LRP1B: variants seen among roughly 807,000 people sequenced by gnomAD.
The protein encoded by LRP1B is LDL receptor related protein 1B, also known as low-density lipoprotein receptor-related protein 1B.
A neutral mutation model predicts 556.6 loss-of-function variants in LRP1B; 217 were observed. The ratio of observed to expected loss-of-function variants is 0.39; its 90% CI spans 0.35 to 0.44. The LOEUF (loss-of-function observed/expected upper bound fraction) is 0.44. Among genes scored for constraint, LRP1B ranks in the 20% least tolerant of loss-of-function variants. LRP1B has a pLI of 1.00. For synonymous variants in LRP1B, 2,047 were observed against 1,865.8 expected (o/e 1.10, Z -2.50); for missense variants, 5,053 against 5,620.8 (o/e 0.90, Z 3.23).
chr2:140,565,069 A>AT (rs893365904), intron 43 of LRP1B, among the ~76,000 whole-genome samples: 9 of 139,580 alleles, frequency 6.4e-5, no homozygotes, highest in South Asian at 2.4e-4. Flanking sequence ...AGAAAAACAG[A>AT]TTTTTTTTCA....
intron 6 of LRP1B, among the ~76,000 whole-genome samples, chr2:141,200,558 T>C (rs1326194753): frequency 6.6e-6 from 1 of 152,078 alleles, no homozygotes; most frequent in South Asian, 2.1e-4. Flanking sequence ...ATGTCAGTTT[T>C]TCAGAAAGGA....
intron 6 of LRP1B, among the ~76,000 whole-genome samples, chr2:141,224,161 C>CAT (rs1683152194): frequency 7.2e-6 from 1 of 138,848 alleles, no homozygotes; most frequent in African/African-American, 2.5e-5. Flanking sequence ...CACACACACA[C>CAT]ACACAAACAT....
intron 1 of LRP1B, among the ~76,000 whole-genome samples, chr2:142,039,023 A>G (rs1703978110): frequency 6.6e-6 from 1 of 151,462 alleles, no homozygotes; most frequent in African/African-American, 2.4e-5. Flanking sequence ...GTCACAATAC[A>G]CCAAGAGCCC....
intron 22 of LRP1B, 122 bp downstream of exon 22, chr2:140,907,755 G>T: frequency 1.1e-6 from 1 of 875,014 alleles, no homozygotes; most frequent in Non-Finnish European, 1.9e-6. Context: ...AAGGTTCAAT[G>T]CTAAAAGCTA....
chr2:140,313,848 G>A (rs569964413), intron 83 of LRP1B, among the ~76,000 whole-genome samples: 48 of 151,876 alleles, frequency 3.2e-4, no homozygotes, highest in African/African-American at 8.2e-4. Context: ...TCCTATTGCC[G>A]TTTATATTTC....
intron 2 of LRP1B, among the ~76,000 whole-genome samples, chr2:141,702,985 C>T (rs1691994768): frequency 6.6e-6 from 1 of 151,880 alleles, no homozygotes; most frequent in South Asian, 2.1e-4. Flanking sequence ...ACCAAATGAA[C>T]CTTGCCATTC....
At chr2:141,580,450 T>A (rs1408051741) in intron 2 of LRP1B, among the ~76,000 whole-genome samples, 2 of 152,210 alleles carry the variant, frequency 1.3e-5, no homozygotes, top group East Asian at 3.9e-4. Flanking sequence ...TTTGTCCTTG[T>A]TACCACAGTT....
At chr2:141,457,363 C>G (rs1573965949) in intron 3 of LRP1B, among the ~76,000 whole-genome samples, 1 of 152,156 alleles carries the variant, frequency 6.6e-6, no homozygotes, top group East Asian at 1.9e-4. Flanking sequence ...CATATTCTCA[C>G]TTATAAGTGG....
chr2:140,973,781 A>C (rs1696509210), intron 18 of LRP1B, among the ~76,000 whole-genome samples: 1 of 152,150 alleles, frequency 6.6e-6, no homozygotes, highest in African/African-American at 2.4e-5. Context: ...AAAATTTACC[A>C]TATTAACCAT....
At chr2:141,808,119 C>T (rs1420886699) in intron 2 of LRP1B, among the ~76,000 whole-genome samples, 7 of 152,056 alleles carry the variant, frequency 4.6e-5, no homozygotes, top group African/African-American at 1.2e-4. Context: ...CATTCTTCAC[C>T]GGCATGAAGG....
chr2:141,236,062 G>A (rs1683637775), intron 5 of LRP1B, among the ~76,000 whole-genome samples: 1 of 152,028 alleles, frequency 6.6e-6, no homozygotes, highest in African/African-American at 2.4e-5. Flanking sequence ...ATATTGTGTG[G>A]GTGGGTAAAA....
chr2:140,532,950 A>AT (rs1690781182), intron 47 of LRP1B, among the ~76,000 whole-genome samples: 1 of 148,066 alleles, frequency 6.8e-6, no homozygotes, highest in Non-Finnish European at 1.5e-5. Flanking sequence ...ATATATATAC[A>AT]CATATATATC....
chr2:141,930,795 T>G (rs1257877596), intron 1 of LRP1B, among the ~76,000 whole-genome samples: 3 of 152,054 alleles, frequency 2.0e-5, no homozygotes, highest in Admixed American at 2.0e-4. Context: ...ACTTTAGAGA[T>G]AAGAAAATTG....
chr2:140,239,376 A>T (rs2104884318), intron 88 of LRP1B, 66 bp downstream of exon 88: 1 of 1,005,266 alleles, frequency 9.9e-7, no homozygotes, highest in Non-Finnish European at 1.5e-6. Flanking sequence ...AACAACAAAC[A>T]TTATGTTTCT....
At chr2:140,494,565 C>A (rs774771542) in intron 56 of LRP1B, among the ~76,000 whole-genome samples, 27 of 147,340 alleles carry the variant, frequency 1.8e-4, no homozygotes, top group Non-Finnish European at 3.7e-4. Context: ...TAAGATCGCG[C>A]CACTGCACTC....
intron 1 of LRP1B, among the ~76,000 whole-genome samples, chr2:142,042,469 C>T (rs1462304998): frequency 2.0e-5 from 3 of 151,386 alleles, no homozygotes. Flanking sequence ...CCTCTTAAAA[C>T]AATAATGCAC....
intron 23 of LRP1B, among the ~76,000 whole-genome samples, chr2:140,894,097 A>G (rs1693878358): frequency 6.6e-6 from 1 of 152,206 alleles, no homozygotes; most frequent in African/African-American, 2.4e-5. Context: ...AGAATGGATG[A>G]CTGGATTTTA....
chr2:140,430,385 C>T (rs1685869783), intron 66 of LRP1B, among the ~76,000 whole-genome samples: 1 of 152,172 alleles, frequency 6.6e-6, no homozygotes, highest in Admixed American at 6.5e-5. Context: ...CTCAAAGGTC[C>T]TCCATCATTA....
chr2:140,376,878 G>A (rs937872366), intron 68 of LRP1B, among the ~76,000 whole-genome samples: 7 of 152,108 alleles, frequency 4.6e-5, no homozygotes, highest in Non-Finnish European at 5.9e-5. Context: ...CTCCCACAGA[G>A]GCATGAAATC....
Sources: allele counts gnomAD v4.1 joint callset (sites outside exome capture counted in the v4.1 genomes callset), GRCh38; gene constraint gnomAD v4.1.1; transcripts MANE v1.5; gene names NCBI Gene and HGNC (gene_info 2026-07-23, HGNC 2026-07-21).